The following KCNK2 variants were observed in gnomAD, a reference collection of about 807,000 sequenced individuals.
KCNK2 encodes potassium channel subfamily K member 2.
In KCNK2, 21 loss-of-function variants were observed where a neutral mutation model predicts 40.5. The ratio of observed to expected loss-of-function variants is 0.52; its 90% confidence interval spans 0.37 to 0.75. KCNK2 has a LOEUF of 0.75. Among genes scored for constraint, KCNK2 ranks in the 30% least tolerant of loss-of-function variants. KCNK2 has a pLI of 0.00. For synonymous variants in KCNK2, 191 were observed against 202.2 expected, an observed-to-expected ratio of 0.94 and a Z score of 0.47; for missense variants, 399 against 531.6, an observed-to-expected ratio of 0.75 and a Z score of 2.45.
intron 1 of KCNK2, among the ~76,000 whole-genome samples, chr1:215,039,642 T>C (rs1219629190): frequency 6.6e-6 from 1 of 152,148 alleles, no homozygotes; most frequent in Non-Finnish European, 1.5e-5. Flanking sequence ...CCATTAACAT[T>C]ATCCTCAGAA....
At chr1:215,038,191 C>T (rs1657449908) in intron 1 of KCNK2, among the ~76,000 whole-genome samples, 1 of 152,030 alleles carries the variant, frequency 6.6e-6, no homozygotes, top group Non-Finnish European at 1.5e-5. Context: ...ATTGTAGACT[C>T]ACCAGTCCCC....
intron 1 of KCNK2, among the ~76,000 whole-genome samples, chr1:215,049,080 T>A (rs779218058): frequency 4.9e-4 from 74 of 152,232 alleles, no homozygotes; most frequent in Non-Finnish European, 6.9e-4. Context: ...TTTTCCAGAG[T>A]AGGTATAATA....
intron 3 of KCNK2, among the ~76,000 whole-genome samples, chr1:215,129,237 A>G (rs1661565913): frequency 6.6e-6 from 1 of 152,156 alleles, no homozygotes; most frequent in Non-Finnish European, 1.5e-5. Flanking sequence ...TTTGTGAGAA[A>G]GGAGTAAAAA....
At chr1:215,175,872 T>C (rs1255405569) in intron 5 of KCNK2, among the ~76,000 whole-genome samples, 2 of 152,194 alleles carry the variant, frequency 1.3e-5, no homozygotes, top group South Asian at 4.1e-4. Context: ...GGTGTGTATA[T>C]ACCACATTTT....
chr1:215,127,193 T>G (rs1046814084), intron 3 of KCNK2, among the ~76,000 whole-genome samples: 1 of 152,160 alleles, frequency 6.6e-6, no homozygotes, highest in Non-Finnish European at 1.5e-5. Flanking sequence ...ATAGGGTTCC[T>G]GGTACAGGCA....
chr1:215,067,814 C>T (rs1442435413), intron 1 of KCNK2, among the ~76,000 whole-genome samples: 2 of 151,934 alleles, frequency 1.3e-5, no homozygotes, highest in Admixed American at 6.6e-5. Flanking sequence ...TGCAGTGAGC[C>T]GACACGGTGC....
chr1:215,132,520 T>C (rs1436864761), intron 3 of KCNK2, among the ~76,000 whole-genome samples: 4 of 152,322 alleles, frequency 2.6e-5, no homozygotes. Flanking sequence ...CTCTACAATC[T>C]CATTGCATTT....
chr1:215,176,655 A>G (rs1663989904), intron 5 of KCNK2, among the ~76,000 whole-genome samples: 1 of 152,146 alleles, frequency 6.6e-6, no homozygotes. Context: ...ATGTCCCTGT[A>G]AAGGACATCA....
In KCNK2 at chr1:215,072,817, C is replaced by T. The variant is rs375759757; in HGVS notation, c.35-13551C>T. Among the ~76,000 whole-genome samples the T allele has an allele frequency of 6.1e-4, 93 of 152,234 alleles. 1 individual carries two copies. In the South Asian group the frequency reaches 0.019, roughly 32 times the overall value. ...GCTGAGGAACAAGACAACAAGGTCC[C>T]TTGTCTATTGGAATTTGTTTTGGTC... is the stretch of plus-strand genomic sequence containing the variant. On this transcript the variant is annotated intron_variant, in intron 1 of 6. Transcript: ENST00000391895.
At chr1:215,178,955 T>C (rs1047163236) in intron 5 of KCNK2, among the ~76,000 whole-genome samples, 10 of 151,934 alleles carry the variant, frequency 6.6e-5, no homozygotes, top group Admixed American at 6.6e-4. Flanking sequence ...TGGTAGAATC[T>C]GAATGTGAAT....
chr1:215,163,772 C>A (rs1663314539), intron 3 of KCNK2, among the ~76,000 whole-genome samples: 1 of 152,110 alleles, frequency 6.6e-6, no homozygotes, highest in Non-Finnish European at 1.5e-5. Flanking sequence ...ATGAAGCCGA[C>A]TTGATCGTGG....
At chr1:215,152,632 T>C (rs1305169728) in intron 3 of KCNK2, among the ~76,000 whole-genome samples, 2 of 152,166 alleles carry the variant, frequency 1.3e-5, no homozygotes, top group African/African-American at 2.4e-5. Flanking sequence ...GTAACTAGCA[T>C]GGTGATTGGC....
intron 1 of KCNK2, among the ~76,000 whole-genome samples, chr1:215,062,218 C>G (rs983547862): frequency 2.0e-5 from 3 of 152,102 alleles, no homozygotes; most frequent in Admixed American, 6.5e-5. Flanking sequence ...AAACATTATA[C>G]TGGAAACCAA....
chr1:215,124,845 T>G (rs1221382265), intron 3 of KCNK2, 95 bp downstream of exon 3: 1 of 733,242 alleles, frequency 1.4e-6, no homozygotes, highest in Non-Finnish European at 2.4e-6. Flanking sequence ...CAAAATGATC[T>G]ACTTAAGGTA....
At chr1:215,198,153 TG>T (rs772430681) in intron 6 of KCNK2, among the ~76,000 whole-genome samples, 9 of 152,356 alleles carry the variant, frequency 5.9e-5, no homozygotes, top group Non-Finnish European at 1.3e-4. Flanking sequence ...TTTTGTTTTT[TG>T]TTTTTTCTTA....
intron 2 of KCNK2, among the ~76,000 whole-genome samples, chr1:215,103,565 G>T (rs983171986): frequency 6.6e-6 from 1 of 151,944 alleles, no homozygotes; most frequent in African/African-American, 2.4e-5. Flanking sequence ...TAATTTCTGG[G>T]AGATGTTTTA....
chr1:215,014,169 T>C (rs1400684233), intron 1 of KCNK2, among the ~76,000 whole-genome samples: 1 of 152,246 alleles, frequency 6.6e-6, no homozygotes, highest in African/African-American at 2.4e-5. Flanking sequence ...AATATGATCA[T>C]GTGATTTTTC....
chr1:215,209,422 A>G (rs1571731611), intron 6 of KCNK2, among the ~76,000 whole-genome samples: 1 of 44,628 alleles, frequency 2.2e-5, no homozygotes, highest in East Asian at 8.1e-4. Flanking sequence ...TATTATATAT[A>G]ATATATATAA....
chr1:215,141,553 A>C (rs1387295605), intron 3 of KCNK2, among the ~76,000 whole-genome samples: 1 of 152,080 alleles, frequency 6.6e-6, no homozygotes, highest in Non-Finnish European at 1.5e-5. Context: ...AGTTTATATA[A>C]CCCTCAGATA....
Sources: gnomAD v4.1 joint callset for allele counts (sites outside exome capture counted in the v4.1 genomes callset) on GRCh38, gnomAD v4.1.1 for gene constraint, MANE v1.5 for transcripts, NCBI Gene and HGNC (gene_info 2026-07-23, HGNC 2026-07-21) for gene names.